Variants in ULK2 observed in about 807,000 individuals in gnomAD.
The protein encoded by ULK2 is serine/threonine-protein kinase ULK2.
ULK2 carries 76 observed loss-of-function variants against 127.5 expected under a neutral mutation model. The ratio of observed to expected loss-of-function variants is 0.60; its 90% CI spans 0.50 to 0.72. The LOEUF (loss-of-function observed/expected upper bound fraction) is 0.72, where lower values mean the gene tolerates loss of function less well. Ranked by LOEUF, ULK2 falls within the 30% of genes least tolerant of loss-of-function variation. The pLI is 0.00. For missense variants in ULK2, 1,144 were observed against 1,295.9 expected (o/e 0.88, Z 1.80); for synonymous variants, 452 against 461.9 (o/e 0.98, Z 0.28).
Position 19,783,737 on chromosome 17 carries a change from G to C in ULK2, c.2420C>G (p.Thr807Ser), listed in dbSNP as rs762984541. Reference sequence around the variant, plus strand: ...CTCCGGCAGTTCAGGGGCTTCAAAGGTGATGAGCCCCTCTAGGCTGGGGGG... The same window carrying C: ...CTCCGGCAGTTCAGGGGCTTCAAAGCTGATGAGCCCCTCTAGGCTGGGGGG... ...ASPPSLEGLI[T>S]FEAPELPEET... The change falls in exon 22 of 27, where the codon ACC (threonine) becomes AGC (serine). Residue 807 changes from threonine (T) to serine (S), a missense_variant. Thr to Ser is a moderately conservative substitution (Grantham distance 58). Coordinates refer to ENST00000395544, the MANE Select transcript of ULK2 (RefSeq NM_014683.4). The C allele has an allele frequency of 6.9e-6, 11 of 1,592,064 alleles. No homozygotes were observed. In the South Asian group the frequency reaches 1.3e-4, roughly 18 times the overall value.
chr17:19,832,608 T>C (rs187729840), intron 10 of ULK2, among the ~76,000 whole-genome samples: 3 of 152,202 alleles, frequency 2.0e-5, no homozygotes, highest in South Asian at 2.1e-4. Flanking sequence ...CACAGATCTA[T>C]GGACAAAGGA....
Position 19,786,082 on chromosome 17 carries a change from C to G in ULK2, c.2106G>C (p.Pro702=). 1 of 1,558,766 alleles carries G rather than the reference C, an allele frequency of 6.4e-7. No individual in the cohort carries two copies. The highest frequency in any genetic ancestry group is 8.6e-7 in the Non-Finnish European group (1 of 1,160,648). ...LNTERPMDIA[P]AGACGGVLAP... ...CCAGAACACCACCACAGGCTCCTGC[C>G]GGAGCTACAACAAAAAGTTTATAGA... Residue 702 remains proline, a synonymous_variant, in exon 21 of 27, where the codon CCG becomes CCC. Transcript: ENST00000395544.
At chr17:19,826,106 CT>C (rs774982674) in intron 11 of ULK2, 32 bp downstream of exon 11, 1 of 1,339,534 alleles carries the variant, frequency 7.5e-7, no homozygotes, top group African/African-American at 1.5e-5. Context: ...TGCATTCATT[CT>C]TTAAGTGAAA....
At chr17:19,827,857 C>T (rs2041333909) in intron 10 of ULK2, among the ~76,000 whole-genome samples, 1 of 151,860 alleles carries the variant, frequency 6.6e-6, no homozygotes, top group Non-Finnish European at 1.5e-5. Context: ...TTGCGGTGAG[C>T]CGAGAACCTG....
intron 16 of ULK2, 115 bp from the exon 17 acceptor site, chr17:19,799,690 AT>A: frequency 1.0e-6 from 1 of 979,806 alleles, no homozygotes; most frequent in Non-Finnish European, 1.4e-6. Flanking sequence ...TGGTTAGAAA[AT>A]TTTAAGTAAC....
chr17:19,860,585 C>T (rs902413212), intron 3 of ULK2, among the ~76,000 whole-genome samples: 2 of 147,496 alleles, frequency 1.4e-5, no homozygotes, highest in South Asian at 2.1e-4. Flanking sequence ...AGTGCAATGG[C>T]GCGATCTCGG....
chr17:19,783,307 C>T (rs1342236491), intron 22 of ULK2, among the ~76,000 whole-genome samples: 3 of 151,850 alleles, frequency 2.0e-5, no homozygotes, highest in South Asian at 2.1e-4. Context: ...AAAAATTAGC[C>T]GGGCATGGTG....
Position 19,775,646 on chromosome 17 carries a change from G to A in ULK2, c.*703C>T, listed in dbSNP as rs1382991743. 1 of 152,280 alleles carries A rather than the reference G, an allele frequency of 6.6e-6. No homozygotes were observed. Among genetic ancestry groups the A allele is most frequent in the Non-Finnish European group, 1.5e-5 (1 of 68,006 alleles). 9.4% of individuals were successfully genotyped at this position (152,280 alleles called of 1,614,324 possible). A position where few individuals can be genotyped will look rare whatever the true frequency, so the allele number is the denominator to read the frequency against. Reference sequence around the variant, plus strand: ...TAAAAGTTCACTGGAGATTACATGTGAATTCTGGAAAGGGTCTATGTATAC... The same window carrying A: ...TAAAAGTTCACTGGAGATTACATGTAAATTCTGGAAAGGGTCTATGTATAC... On this transcript the variant is annotated 3_prime_UTR_variant, in exon 27 of 27. Coordinates refer to ENST00000395544, the MANE Select transcript of ULK2 (RefSeq NM_014683.4).
At chr17:19,799,157 T>C (rs2087339350) in intron 17 of ULK2, among the ~76,000 whole-genome samples, 2 of 146,498 alleles carry the variant, frequency 1.4e-5, no homozygotes, top group Non-Finnish European at 1.5e-5. Flanking sequence ...CGAGACTCCA[T>C]TTCAAAAAAA....
chr17:19,852,023 C>T (rs1358972354), intron 3 of ULK2, among the ~76,000 whole-genome samples: 1 of 99,868 alleles, frequency 1.0e-5, no homozygotes. Context: ...TCCAGCCTGG[C>T]AACAGAATGA....
At position 19,787,427 on chromosome 17, in the gene ULK2, C is replaced by T. The variant is rs193274244; in HGVS notation, c.2102-1341G>A. Among the ~76,000 whole-genome samples, 28 of 152,304 alleles carry T rather than the reference C, an allele frequency of 1.8e-4. 2 individuals are homozygous for T. The highest frequency in any genetic ancestry group is 3.4e-3 in the Middle Eastern group (1 of 294). On this transcript the variant is annotated intron_variant, in intron 20 of 26. Transcript: ENST00000395544. ...TCGGCCTTCCACAGTGTTGGGATTA[C>T]AGGCGTGAGCCACTGCACCCAGCCA...
At chr17:19,824,966 CCCAA>C in intron 12 of ULK2, 124 bp downstream of exon 12, 1 of 926,808 alleles carries the variant, frequency 1.1e-6, no homozygotes. Context: ...TGTTCTTTCC[CCCAA>C]ATCTCAGCTA....
At chr17:19,855,099 CAAAA>C (rs59428848) in intron 3 of ULK2, among the ~76,000 whole-genome samples, 6 of 100,558 alleles carry the variant, frequency 6.0e-5, no homozygotes, top group Admixed American at 1.1e-4. Context: ...GATTCCATCT[CAAAA>C]AAAAAAAAAA....
At chr17:19,813,825 A>G (rs141926517) in intron 13 of ULK2, among the ~76,000 whole-genome samples, 283 of 152,360 alleles carry the variant, frequency 1.9e-3, no homozygotes, top group Non-Finnish European at 3.5e-3. Flanking sequence ...AGAAATACAC[A>G]TTCATAATTA....
chr17:19,787,690 C>A (rs890026500), intron 20 of ULK2, among the ~76,000 whole-genome samples: 3 of 152,180 alleles, frequency 2.0e-5, no homozygotes, highest in Admixed American at 6.5e-5. Flanking sequence ...GAAGGCTCCA[C>A]CAATTGTACA....
rs192308123 is a variant in ULK2, at chr17:19,801,897, T to C, written c.1321A>G (p.Thr441Ala). 6.2e-7 allele frequency: 1 copy of C among 1,612,652 alleles called. No homozygotes were observed. Among genetic ancestry groups the C allele is most frequent in the Non-Finnish European group, 8.5e-7 (1 of 1,179,712 alleles). Residue 441 changes from threonine (T) to alanine (A), a missense_variant, in exon 16 of 27, where the codon ACC (threonine) becomes GCC (alanine). By Grantham distance (58) the Thr-to-Ala change is moderately conservative (BLOSUM62 0). This residue lies in a region of ULK2 where 913 missense variants were observed against 970.5 expected (regional missense o/e 0.94). Transcript: ENST00000395544. Reference protein sequence around the residue: ...PRSAVVRRSNTSPMGFLRPGS... With the variant: ...PRSAVVRRSNASPMGFLRPGS... ...GGCCGGAGGAAGCCCATGGGGCTGG[T>C]GTTGGACCTTCGTACCACTGCAGAT...
intron 10 of ULK2, among the ~76,000 whole-genome samples, chr17:19,836,473 T>C (rs550962975): frequency 1.8e-4 from 27 of 151,832 alleles, no homozygotes; most frequent in Admixed American, 6.6e-4. Flanking sequence ...TCCCAGCTAC[T>C]TGGGAGGCTG....
In ULK2 at chr17:19,835,995, G is replaced by A. The variant is rs535267913; in HGVS notation, c.787+2506C>T. 3.9e-4 allele frequency among the ~76,000 whole-genome samples: 59 copies of A among 151,844 alleles called. 1 individual carries two copies. The highest frequency in any genetic ancestry group is 2.6e-3 in the Admixed American group (39 of 15,230). On this transcript the variant is annotated intron_variant, in intron 10 of 26. Transcript: ENST00000395544. Reference sequence around the variant, plus strand: ...AAAATTAGCCGACTGGGCCGCGCCCGGTGGCTCACACCTGTAATCTCAGCA... The same window carrying A: ...AAAATTAGCCGACTGGGCCGCGCCCAGTGGCTCACACCTGTAATCTCAGCA...
At chr17:19,799,195 T>C (rs1221497658) in intron 17 of ULK2, among the ~76,000 whole-genome samples, 1 of 151,396 alleles carries the variant, frequency 6.6e-6, no homozygotes, top group Non-Finnish European at 1.5e-5. Flanking sequence ...TAATCAATAG[T>C]ATTAAAGTAA....
Sources: gnomAD v4.1 joint callset for allele counts (sites outside exome capture counted in the v4.1 genomes callset) on GRCh38, gnomAD v4.1.1 for gene constraint, gnomAD v4.1.1 regional missense constraint, MANE v1.5 for transcripts, NCBI Gene and HGNC (gene_info 2026-07-23, HGNC 2026-07-21) for gene names.